Variants in PIAS4 observed in about 807,000 individuals in gnomAD.
PIAS4 encodes the protein E3 SUMO-protein ligase PIAS4.
Under a neutral mutation model 58.0 loss-of-function variants are expected in PIAS4, and 7 were observed. The observed-to-expected ratio is 0.12, with a 90% CI of 0.07 to 0.23. PIAS4 has a LOEUF of 0.23. PIAS4 is among the 10% of genes least tolerant of loss of function. PIAS4 has a pLI of 1.00. For synonymous variants in PIAS4, 364 were observed against 312.4 expected (o/e 1.17, Z -1.74); for missense variants, 550 against 709.5 (o/e 0.78, Z 2.55).
chr19:4,023,266 G>A (rs2040128878), intron 2 of PIAS4, among the ~76,000 whole-genome samples: 1 of 151,722 alleles, frequency 6.6e-6, no homozygotes, highest in South Asian at 2.1e-4. Flanking sequence ...ATCACCTGAG[G>A]TCACGAGTTC....
At chr19:4,023,899 C>G (rs902520444) in intron 2 of PIAS4, 137 bp from the exon 3 acceptor site, 1 of 673,750 alleles carries the variant, frequency 1.5e-6, no homozygotes, top group African/African-American at 1.8e-5. Flanking sequence ...CGGCCCCCAC[C>G]TCTGCCCCAC....
At chr19:4,009,594 A>T (rs1223876304) in intron 1 of PIAS4, among the ~76,000 whole-genome samples, 2 of 150,518 alleles carry the variant, frequency 1.3e-5, no homozygotes, top group Non-Finnish European at 3.0e-5. Context: ...AATCAAGTTG[A>T]CCCTTCTTTC....
chr19:4,011,031 G>A (rs920002707), intron 1 of PIAS4, among the ~76,000 whole-genome samples: 2 of 152,220 alleles, frequency 1.3e-5, no homozygotes, highest in Non-Finnish European at 2.9e-5. Flanking sequence ...TGCAGCTTTG[G>A]TGCTGAAATG....
intron 2 of PIAS4, among the ~76,000 whole-genome samples, chr19:4,014,001 C>T (rs1457792799): frequency 6.6e-6 from 1 of 152,186 alleles, no homozygotes; most frequent in Non-Finnish European, 1.5e-5. Flanking sequence ...ACCAGGGCCA[C>T]CTGGGAGCCT....
chr19:4,012,315 C>T (rs982703884), intron 1 of PIAS4, among the ~76,000 whole-genome samples: 1 of 152,072 alleles, frequency 6.6e-6, no homozygotes, highest in South Asian at 2.1e-4. Context: ...GCCGACAGTT[C>T]CTCATTTGTG....
chr19:4,036,194 G>A (rs62647668), intron 9 of PIAS4, among the ~76,000 whole-genome samples: 44,971 of 61,526 alleles, frequency 0.73, 16,525 homozygotes, highest in East Asian at 0.91. Context: ...AGTCCACACC[G>A]TCACACATCC....
At chr19:4,014,084 T>C (rs2040027897) in intron 2 of PIAS4, among the ~76,000 whole-genome samples, 1 of 152,190 alleles carries the variant, frequency 6.6e-6, no homozygotes, top group South Asian at 2.1e-4. Context: ...GGTTCCTCGC[T>C]GGCAGCCTGC....
rs533521520 is a variant in PIAS4, at chr19:4,012,819, C to T, written c.28-104C>T. The stretch of plus-strand genomic sequence containing the variant: ...CCCAGCCAAGGCTGGCGCTTCCTGG[C>T]GAGTGGGTGTCTTTCACGGCCCCCA... On this transcript the variant is annotated intron_variant, in intron 1 of 10. Coordinates refer to ENST00000262971, the MANE Select transcript of PIAS4 (RefSeq NM_015897.4). The T allele has an allele frequency of 3.5e-5, 45 of 1,287,264 alleles. No individual in the cohort carries two copies. In the African/African-American group the frequency reaches 5.7e-4, roughly 16 times the overall value. The allele number at this position is 1,287,264 out of a possible 1,614,324, so 79.7% of individuals were successfully genotyped here. A position where few individuals can be genotyped will look rare whatever the true frequency, so the allele number is the denominator to read the frequency against.
chr19:4,033,162 C>T lies in PIAS4; in HGVS notation c.970C>T (p.Leu324Phe), dbSNP rs748359367. 8.1e-6 allele frequency: 13 copies of T among 1,610,120 alleles called. No homozygotes were observed. The highest frequency in any genetic ancestry group is 1.7e-5 in the Admixed American group (1 of 60,018). ...EIATTGVRVS[L>F]ICPLVKMRLS... is the part of the protein sequence containing the mutation. ...CGCCACCACCGGTGTGCGGGTGTCCCTCATCTGTCCGGTGAGTCGGGGCGC... is the reference window on the plus strand; with the variant it reads ...CGCCACCACCGGTGTGCGGGTGTCCTTCATCTGTCCGGTGAGTCGGGGCGC... Residue 324 changes from leucine (L) to phenylalanine (F), a missense_variant, in exon 8 of 11, where the codon CTC becomes TTC. Leu to Phe is a conservative substitution (Grantham distance 22). Around this residue, in one of 4 missense-constraint regions of PIAS4, gnomAD observed 225 missense variants for 345.8 expected, o/e 0.65. Transcript: ENST00000262971.
rs369903714 is a variant in PIAS4 at position 4,037,883 on chromosome 19, C to A, written c.*8C>A. ...CTGGTGCCGGCCTGCTGACCCCGGC[C>A]GCACACTCGACTTTCCTGGTGCTCA... On this transcript the variant is annotated 3_prime_UTR_variant, in exon 11 of 11. Transcript: ENST00000262971. This position sits in a 1 kb window ranked among gnomAD's most constrained non-coding sequence, Gnocchi z 5.8. 1.7e-4 allele frequency: 262 copies of A among 1,566,096 alleles called. No homozygotes were observed. The highest frequency in any genetic ancestry group is 2.4e-4 in the Admixed American group (13 of 53,696).
At chr19:4,021,896 G>A (rs1384451672) in intron 2 of PIAS4, among the ~76,000 whole-genome samples, 1 of 151,408 alleles carries the variant, frequency 6.6e-6, no homozygotes, top group Admixed American at 6.6e-5. Flanking sequence ...CAGGTGGTGT[G>A]CACCTCCACA....
intron 2 of PIAS4, 83 bp from the exon 3 acceptor site, chr19:4,023,953 A>AGAGGC: frequency 1.1e-6 from 1 of 908,932 alleles, no homozygotes; most frequent in Non-Finnish European, 1.9e-6. Flanking sequence ...CCTGGTCTGA[A>AGAGGC]GAGGCGCAGG....
At position 4,037,819 on chromosome 19, in the gene PIAS4, G is replaced by A. The variant is rs1434952103; in HGVS notation, c.1477G>A (p.Gly493Arg). The A allele has an allele frequency of 6.3e-7, 1 of 1,579,536 alleles. No individual in the cohort carries two copies. The highest frequency in any genetic ancestry group is 2.3e-5 in the East Asian group (1 of 43,448). The change falls in exon 11 of 11, where the codon GGG (glycine) becomes AGG (arginine). Residue 493 changes from glycine to arginine, a missense_variant. Gly to Arg is a moderately radical substitution (Grantham distance 125, BLOSUM62 -2). Around this residue, in one of 4 missense-constraint regions of PIAS4, gnomAD observed 188 missense variants for 192.0 expected, o/e 0.98. Coordinates refer to ENST00000262971, the MANE Select transcript of PIAS4 (RefSeq NM_015897.4). This position sits in a 1 kb window ranked among gnomAD's most constrained non-coding sequence, Gnocchi z 5.8. ...EEEEEDEDEE[G>R]PRPKRRCPFQ... ...GGAGGAGGAAGACGAGGACGAAGAG[G>A]GGCCCCGGCCCAAGCGCCGCTGCCC...
In PIAS4 at chr19:4,013,416, C is replaced by T. The variant is rs1325547540; in HGVS notation, c.454+67C>T. The T allele has an allele frequency of 7.3e-7, 1 of 1,374,798 alleles. No homozygotes were observed. The highest frequency in any genetic ancestry group is 1.0e-6 in the Non-Finnish European group (1 of 991,670). The allele number at this position is 1,374,798 out of a possible 1,614,324, so 85.2% of individuals were successfully genotyped here. A position where few individuals can be genotyped will look rare whatever the true frequency, so the allele number is the denominator to read the frequency against. On this transcript the variant is annotated intron_variant, in intron 2 of 10. Coordinates refer to ENST00000262971, the MANE Select transcript of PIAS4 (RefSeq NM_015897.4). This position sits in a 1 kb window ranked among gnomAD's most constrained non-coding sequence, Gnocchi z 5.1. ...CTAGGCCCCGTCGCCCAGCCCAGCC[C>T]AGCCACACAGCCGACTTCGAGTGAT...
At chr19:4,036,671 C>A (rs938564399) in intron 9 of PIAS4, among the ~76,000 whole-genome samples, 14 of 142,330 alleles carry the variant, frequency 9.8e-5, no homozygotes, top group Non-Finnish European at 1.5e-4. Flanking sequence ...TCTATACAGT[C>A]CACACCGTCA....
At chr19:4,011,197 C>T (rs1362303275) in intron 1 of PIAS4, among the ~76,000 whole-genome samples, 4 of 152,234 alleles carry the variant, frequency 2.6e-5, no homozygotes, top group African/African-American at 7.2e-5. Flanking sequence ...TTATTGGTTT[C>T]TTCGGGTACC....
At chr19:4,021,744 T>TTC (rs1271458289) in intron 2 of PIAS4, among the ~76,000 whole-genome samples, 2 of 123,220 alleles carry the variant, frequency 1.6e-5, no homozygotes, top group African/African-American at 1.0e-4. Flanking sequence ...TTCTTTTTCT[T>TTC]TTTTTTTTTT....
rs140734127 is a variant in PIAS4, at chr19:4,009,672, G to A, written c.27+1885G>A. 3.7e-3 allele frequency among the ~76,000 whole-genome samples: 563 copies of A among 152,146 alleles called. 2 individuals carry two copies. The highest frequency in any genetic ancestry group is 5.0e-3 in the Non-Finnish European group (339 of 68,016). On this transcript the variant is annotated intron_variant, in intron 1 of 10. Coordinates refer to ENST00000262971, the MANE Select transcript of PIAS4 (RefSeq NM_015897.4). The stretch of plus-strand genomic sequence containing the variant: ...CCTGGGGAACCTTCTTTCTCCTTGA[G>A]TCTGTTGCTACCTCTCCAAGTACCT...
intron 9 of PIAS4, 38 bp downstream of exon 9, chr19:4,033,618 ACATCC>A: frequency 3.2e-6 from 5 of 1,539,864 alleles, no homozygotes; most frequent in African/African-American, 1.4e-5. Context: ...CCGGAGCCGG[ACATCC>A]GTGGAGGTCT....
Sources: allele counts gnomAD v4.1 joint callset (sites outside exome capture counted in the v4.1 genomes callset), GRCh38; gene constraint gnomAD v4.1.1; regional missense constraint gnomAD v4.1.1; non-coding constraint Gnocchi (gnomAD v3.1); transcripts MANE v1.5; gene names NCBI Gene and HGNC (gene_info 2026-07-23, HGNC 2026-07-21).